Variants in UBE2L3 observed in about 807,000 individuals in gnomAD.
UBE2L3 encodes ubiquitin conjugating enzyme E2 L3, also known as ubiquitin-conjugating enzyme E2 L3.
UBE2L3 carries 1 observed loss-of-function variant against 17.8 expected under a neutral mutation model. The observed-to-expected ratio is 0.06, with a 90% CI of 0.02 to 0.27. The LOEUF (loss-of-function observed/expected upper bound fraction) is 0.27. UBE2L3 is among the 10% of genes least tolerant of loss of function. UBE2L3 has a pLI of 1.00. For missense variants in UBE2L3, 40 were observed against 192.6 expected (o/e 0.21, Z 4.69); for synonymous variants, 44 against 68.5 (o/e 0.64, Z 1.76).
At position 21,623,859 on chromosome 22, in the gene UBE2L3, T is replaced by A. The variant is rs1419603313; in HGVS notation, c.*2190T>A. 1.3e-5 allele frequency: 2 copies of A among 152,486 alleles called. No individual in the cohort carries two copies. The highest frequency in any genetic ancestry group is 4.8e-5 in the African/African-American group (2 of 41,468). The allele number at this position is 152,486 out of a possible 1,614,324, so 9.4% of individuals were successfully genotyped here. Reference sequence around the variant, plus strand: ...GGTCCTCTGGAGGAGGGGCGAGCTGTGGAGCAGCCACCCACTGCTGCCCCA... The same window carrying A: ...GGTCCTCTGGAGGAGGGGCGAGCTGAGGAGCAGCCACCCACTGCTGCCCCA... On this transcript the variant is annotated 3_prime_UTR_variant, in exon 4 of 4. Transcript: ENST00000342192.
intron 2 of UBE2L3, among the ~76,000 whole-genome samples, chr22:21,594,979 C>G (rs1016762224): frequency 2.0e-5 from 3 of 152,190 alleles, no homozygotes; most frequent in Non-Finnish European, 4.4e-5. Flanking sequence ...AGCCTGCTAG[C>G]CAGCTCCACG....
chr22:21,567,015 A>C (rs1926663053), upstream of UBE2L3, among the ~76,000 whole-genome samples: 2 of 152,184 alleles, frequency 1.3e-5, no homozygotes, highest in South Asian at 2.1e-4. Flanking sequence ...GTTAAAGAAA[A>C]TAAAGCACTA....
At position 21,588,864 on chromosome 22, in the gene UBE2L3, A is replaced by G. The variant is rs534634402; in HGVS notation, c.28-3997A>G. Among the ~76,000 whole-genome samples the G allele has an allele frequency of 2.0e-5, 3 of 151,984 alleles. No homozygotes were observed. In the South Asian group the frequency reaches 6.2e-4, roughly 32 times the overall value. On this transcript the variant is annotated intron_variant, in intron 1 of 3. Coordinates refer to ENST00000342192, the MANE Select transcript of UBE2L3 (RefSeq NM_003347.4). ...TTTTTAGTAGAGACGGGGTTTCACC[A>G]TCTTGGCCAGGCTGGTCTTGAACTC...
intron 2 of UBE2L3, among the ~76,000 whole-genome samples, chr22:21,604,326 C>A (rs571605364): frequency 6.6e-6 from 1 of 152,120 alleles, no homozygotes; most frequent in Non-Finnish European, 1.5e-5. Flanking sequence ...CGGTGAAACC[C>A]CGTCTCTACT....
intron 1 of UBE2L3, among the ~76,000 whole-genome samples, chr22:21,590,187 CTTTATTTT>C (rs1186335670): frequency 7.3e-5 from 11 of 151,482 alleles, no homozygotes; most frequent in Non-Finnish European, 1.6e-4. Context: ...ATCATCCCTA[CTTTATTTT>C]TTTATTTTTT....
chr22:21,582,207 A>AT (rs1212780002), intron 1 of UBE2L3, among the ~76,000 whole-genome samples: 4 of 150,156 alleles, frequency 2.7e-5, no homozygotes, highest in Non-Finnish European at 5.9e-5. Context: ...AGTCAGAGGG[A>AT]TTTTTTCCAT....
rs531751082 is a variant in UBE2L3, at chr22:21,562,343, C to T, written c.201+12693C>T. Among the ~76,000 whole-genome samples the T allele has an allele frequency of 4.0e-5, 6 of 150,414 alleles. No individual in the cohort carries two copies. In the South Asian group the frequency reaches 1.3e-3, roughly 32 times the overall value. On this transcript the variant is annotated intron_variant, in intron 1 of 3. Transcript: ENST00000458578. ...CTGAGTAGCTGGTACTACAGGGGCC[C>T]GCCACTGCACCCGGCTAATTTTTTC... is the stretch of plus-strand genomic sequence containing the variant.
upstream of UBE2L3, chr22:21,567,598 C>A: frequency 1.3e-6 from 2 of 1,500,434 alleles, no homozygotes; most frequent in South Asian, 1.3e-5. Context: ...CACGCGCCCC[C>A]CAGCACAGTG....
intron 1 of UBE2L3, among the ~76,000 whole-genome samples, chr22:21,583,908 C>G (rs1927780775): frequency 6.6e-6 from 1 of 152,022 alleles, no homozygotes; most frequent in Non-Finnish European, 1.5e-5. Flanking sequence ...TGGAGTTTCA[C>G]TCGTTGCCCA....
chr22:21,576,112 CTTTTT>C (rs35221203), intron 1 of UBE2L3, among the ~76,000 whole-genome samples: 3 of 117,166 alleles, frequency 2.6e-5, no homozygotes, highest in Non-Finnish European at 1.8e-5. Flanking sequence ...TTGAAAGCAA[CTTTTT>C]TTTTTTTTTT....
At chr22:21,588,607 G>T (rs993682457) in intron 1 of UBE2L3, among the ~76,000 whole-genome samples, 3 of 151,228 alleles carry the variant, frequency 2.0e-5, no homozygotes, top group African/African-American at 7.3e-5. Context: ...AGCCTCCCAA[G>T]TAGCTGGGAC....
upstream of UBE2L3, among the ~76,000 whole-genome samples, chr22:21,564,385 C>A (rs1439839061): frequency 1.3e-5 from 2 of 152,074 alleles, no homozygotes; most frequent in Non-Finnish European, 2.9e-5. Context: ...TCTGTATGAA[C>A]AAGGTTTGGC....
At position 21,622,766 on chromosome 22, in the gene UBE2L3, G is replaced by C. The variant is rs1568991508; in HGVS notation, c.*1097G>C. On this transcript the variant is annotated 3_prime_UTR_variant, in exon 4 of 4. Coordinates refer to ENST00000342192, the MANE Select transcript of UBE2L3 (RefSeq NM_003347.4). ...GGGCCCCTGCTGACCCCCTCCTCCA[G>C]AGCAGCCAGCCCAGCCCGGGAACAA... 1 of 152,942 alleles carries C rather than the reference G, an allele frequency of 6.5e-6. No individual in the cohort carries two copies. The highest frequency in any genetic ancestry group is 1.5e-5 in the Non-Finnish European group (1 of 68,206). 9.5% of individuals were successfully genotyped at this position (152,942 alleles called of 1,614,324 possible).
chr22:21,564,256 A>G (rs1296903600), upstream of UBE2L3, among the ~76,000 whole-genome samples: 1 of 151,204 alleles, frequency 6.6e-6, no homozygotes, highest in East Asian at 1.9e-4. Context: ...ATGGTCTCAA[A>G]CTCTTTGGCT....
rs201773806 is a variant in UBE2L3, at chr22:21,582,135, AAAAC to A, written c.28-10718_28-10715del. 1.6e-4 allele frequency among the ~76,000 whole-genome samples: 24 copies of A among 150,680 alleles called. No individual in the cohort carries two copies. The East Asian group carries it at 3.3e-3, about 21-fold the overall frequency. Reference sequence around the variant, plus strand: ...ACTTCATCTCAAAAAAAAAAACAAAAAAACAAACAAAAAAAAAAACAGTTCAGAA... The same window carrying A: ...ACTTCATCTCAAAAAAAAAAACAAAAAAACAAAAAAAAAAACAGTTCAGAA... On this transcript the variant is annotated intron_variant, in intron 1 of 3. Transcript: ENST00000342192.
chr22:21,613,861 A>G (rs892738891), intron 3 of UBE2L3, among the ~76,000 whole-genome samples: 2 of 152,226 alleles, frequency 1.3e-5, no homozygotes, highest in African/African-American at 4.8e-5. Context: ...CTTATTTTCC[A>G]CAAGGCTACA....
At chr22:21,571,097 CTT>C (rs1382407458) in intron 1 of UBE2L3, among the ~76,000 whole-genome samples, 2 of 152,140 alleles carry the variant, frequency 1.3e-5, no homozygotes, top group Admixed American at 6.6e-5. Context: ...TTTTAGAAGC[CTT>C]TTTAGGAATT....
chr22:21,599,464 G>T (rs1928738274), intron 2 of UBE2L3, among the ~76,000 whole-genome samples: 1 of 152,132 alleles, frequency 6.6e-6, no homozygotes, highest in South Asian at 2.1e-4. Context: ...AAGGTTCTAT[G>T]GACAGAGGCC....
intron 3 of UBE2L3, chr22:21,614,765 C>T (rs758850223): frequency 4.5e-6 from 2 of 439,836 alleles, no homozygotes; most frequent in Non-Finnish European, 6.0e-6. Flanking sequence ...AAACATATGC[C>T]CAATAAAAAC....
Sources: gnomAD v4.1 joint callset for allele counts (sites outside exome capture counted in the v4.1 genomes callset) on GRCh38, gnomAD v4.1.1 for gene constraint, MANE v1.5 for transcripts, NCBI Gene and HGNC (gene_info 2026-07-23, HGNC 2026-07-21) for gene names.